MYO9A: variants seen among roughly 807,000 people sequenced by gnomAD.
MYO9A encodes the protein unconventional myosin-IXa.
MYO9A carries 103 observed loss-of-function variants against 293.3 expected under a neutral mutation model. The observed-to-expected ratio is 0.35, with a 90% CI of 0.30 to 0.41. The LOEUF is 0.41. Among genes scored for constraint, MYO9A ranks in the 10% least tolerant of loss-of-function variants. The pLI is 1.00. For synonymous variants in MYO9A, 1,001 were observed against 1,035.7 expected (o/e 0.97, Z 0.64); for missense variants, 2,685 against 3,033.0 (o/e 0.89, Z 2.69).
intron 8 of MYO9A, among the ~76,000 whole-genome samples, 167 bp downstream of exon 8, chr15:72,007,659 C>T (rs1298590016): frequency 6.6e-6 from 1 of 152,052 alleles, no homozygotes; most frequent in Non-Finnish European, 1.5e-5. Context: ...CAAACTGAGG[C>T]AGGTATCAGG....
rs371274042 is a variant in MYO9A, at chr15:71,942,392, G to A, written c.2303-3465C>T. On this transcript the variant is annotated intron_variant, in intron 15 of 41. Transcript: ENST00000356056. The stretch of plus-strand genomic sequence containing the variant: ...TTTATATGCTTTAGGTTTGTCTCTT[G>A]TAAGCATTCTACAGCTAAATTTTGC... Among the ~76,000 whole-genome samples the A allele has an allele frequency of 2.0e-5, 3 of 152,042 alleles. No individual in the cohort carries two copies. In the East Asian group the frequency reaches 5.8e-4, roughly 29 times the overall value.
At position 71,852,191 on chromosome 15, in the gene MYO9A, C is replaced by A; in HGVS notation, c.6416G>T (p.Arg2139Leu). Residue 2139 changes from arginine to leucine, a missense_variant, in exon 36 of 42, where the codon CGA becomes CTA. Arg to Leu is a moderately radical substitution (Grantham distance 102). Around this residue, in one of 10 missense-constraint regions of MYO9A, gnomAD observed 238 missense variants for 269.1 expected, o/e 0.88. Transcript: ENST00000356056. ...GGTCATGAGAGGATTGGGCAAATCT[C>A]GAAGCCATTGTTTGAATACACTTGC... is the stretch of plus-strand genomic sequence containing the variant. ...VIASVFKQWL[R>L]DLPNPLMTFE... 1 of 1,613,632 alleles carries A rather than the reference C, an allele frequency of 6.2e-7. No homozygotes were observed. Among genetic ancestry groups the A allele is most frequent in the Non-Finnish European group, 8.5e-7 (1 of 1,179,742 alleles).
chr15:71,828,589 C>T (rs1008998627), intron 40 of MYO9A, among the ~76,000 whole-genome samples: 7 of 152,134 alleles, frequency 4.6e-5, no homozygotes, highest in African/African-American at 1.4e-4. Context: ...CTTCAGTTGT[C>T]GTATTCTCTA....
intron 37 of MYO9A, among the ~76,000 whole-genome samples, chr15:71,851,000 A>G (rs988344310): frequency 1.2e-4 from 19 of 152,118 alleles, no homozygotes; most frequent in African/African-American, 4.3e-4. Flanking sequence ...AAAACAGGCT[A>G]AACTACACAC....
At chr15:71,948,011 T>C (rs2058960744) in intron 15 of MYO9A, among the ~76,000 whole-genome samples, 1 of 152,126 alleles carries the variant, frequency 6.6e-6, no homozygotes, top group Non-Finnish European at 1.5e-5. Context: ...AAGAGCCACT[T>C]TGGAGAGAAG....
chr15:72,098,640 A>C (rs2080146130), intron 1 of MYO9A, among the ~76,000 whole-genome samples: 1 of 152,150 alleles, frequency 6.6e-6, no homozygotes, highest in Non-Finnish European at 1.5e-5. Flanking sequence ...GATAAAAAAG[A>C]ATTGCAAAAT....
In MYO9A at chr15:71,999,843, C is replaced by A; in HGVS notation, c.1470+8G>T. On this transcript the variant is annotated splice_region_variant and intron_variant, in intron 9 of 41. Coordinates refer to ENST00000356056, the MANE Select transcript of MYO9A (RefSeq NM_006901.4). ...GAATGCTTTCATTTCAAAGAAAATC[C>A]ATCATACCTCTGCCAACTTGTATGG... 1 of 1,608,410 alleles carries A rather than the reference C, an allele frequency of 6.2e-7. No individual in the cohort carries two copies. Among genetic ancestry groups the A allele is most frequent in the Non-Finnish European group, 8.5e-7 (1 of 1,176,752 alleles).
intron 39 of MYO9A, among the ~76,000 whole-genome samples, chr15:71,842,687 G>A (rs1341151670): frequency 6.6e-6 from 1 of 151,498 alleles, no homozygotes; most frequent in Non-Finnish European, 1.5e-5. Flanking sequence ...GTGAAACCCC[G>A]TCTTTACCAA....
chr15:71,833,553 C>A (rs1293547104), intron 39 of MYO9A, among the ~76,000 whole-genome samples: 1 of 151,976 alleles, frequency 6.6e-6, no homozygotes, highest in Non-Finnish European at 1.5e-5. Flanking sequence ...CACACGCAAT[C>A]AGAAATGATG....
chr15:71,939,927 A>G (rs2058733921), intron 15 of MYO9A, among the ~76,000 whole-genome samples: 1 of 152,228 alleles, frequency 6.6e-6, no homozygotes, highest in Admixed American at 6.5e-5. Context: ...AAACTACAAG[A>G]AACAAATAAA....
At chr15:71,834,245 T>G (rs1299009653) in intron 39 of MYO9A, among the ~76,000 whole-genome samples, 1 of 152,044 alleles carries the variant, frequency 6.6e-6, no homozygotes, top group Admixed American at 6.6e-5. Flanking sequence ...TGGAGAAATT[T>G]CTATGAAAAT....
chr15:71,879,133 CAAT>C (rs1596091417), intron 30 of MYO9A, among the ~76,000 whole-genome samples: 1 of 151,932 alleles, frequency 6.6e-6, no homozygotes, highest in Non-Finnish European at 1.5e-5. Flanking sequence ...AATGAAAAGC[CAAT>C]AAAATATGAA....
chr15:71,935,343 G>A lies in MYO9A; in HGVS notation c.2520C>T (p.Leu840=), dbSNP rs1480085701. The A allele has an allele frequency of 1.2e-6, 2 of 1,613,022 alleles. No homozygotes were observed. The highest frequency in any genetic ancestry group is 1.3e-5 in the African/African-American group (1 of 74,998). Residue 840 remains leucine, a splice_region_variant and synonymous_variant, in exon 17 of 42, where the codon CTC becomes CTT. Coordinates refer to ENST00000356056, the MANE Select transcript of MYO9A (RefSeq NM_006901.4). ...TTACATTACTGATTAGTACTGACGT[G>A]AGAATTCCATGGGCTCTCTCCAGGA... ...SKLLERAHGI[L]TRNKNFKSKP... is the part of the protein sequence containing the mutation.
chr15:71,925,032 G>A lies in MYO9A; in HGVS notation c.2563-8540C>T, dbSNP rs545712342. ...ATCTTGAGTGCAGTTTAACTCTATC[G>A]TTCTTTGCTGATTTTCTGTCTGGTT... On this transcript the variant is annotated intron_variant, in intron 18 of 41. Transcript: ENST00000356056. Among the ~76,000 whole-genome samples, 15 of 152,092 alleles carry A rather than the reference G, an allele frequency of 9.9e-5. No homozygotes were observed. In the East Asian group the frequency reaches 2.5e-3, roughly 25 times the overall value.
At chr15:71,946,959 T>A (rs1040436754) in intron 15 of MYO9A, among the ~76,000 whole-genome samples, 1 of 151,968 alleles carries the variant, frequency 6.6e-6, no homozygotes, top group Non-Finnish European at 1.5e-5. Context: ...ACAAATAAAA[T>A]TTTAAAAATT....
intron 20 of MYO9A, 48 bp downstream of exon 20, chr15:71,904,878 G>T: frequency 1.4e-6 from 2 of 1,402,138 alleles, no homozygotes; most frequent in Non-Finnish European, 2.0e-6. Flanking sequence ...TTAAAGCTCA[G>T]TTTGAAGTAA....
At chr15:71,955,867 T>C (rs1222054173) in intron 14 of MYO9A, among the ~76,000 whole-genome samples, 1 of 152,180 alleles carries the variant, frequency 6.6e-6, no homozygotes, top group African/African-American at 2.4e-5. Context: ...CCTCTAGCCC[T>C]AGGCAAACAC....
intron 15 of MYO9A, among the ~76,000 whole-genome samples, chr15:71,949,189 T>C (rs938123840): frequency 7.2e-5 from 11 of 152,136 alleles, no homozygotes; most frequent in Non-Finnish European, 5.9e-5. Context: ...CTGATCTTCC[T>C]GGATCTGTAA....
At chr15:72,064,034 T>C (rs947788141) in intron 1 of MYO9A, among the ~76,000 whole-genome samples, 4 of 152,184 alleles carry the variant, frequency 2.6e-5, no homozygotes, top group African/African-American at 9.6e-5. Context: ...TGGAGGATAC[T>C]ATGTTAAGCA....
Sources: gnomAD v4.1 joint callset for allele counts (sites outside exome capture counted in the v4.1 genomes callset) on GRCh38, gnomAD v4.1.1 for gene constraint, gnomAD v4.1.1 regional missense constraint, MANE v1.5 for transcripts, NCBI Gene and HGNC (gene_info 2026-07-23, HGNC 2026-07-21) for gene names.